The following KIF6 variants were observed in gnomAD, a reference collection of about 807,000 sequenced individuals.
KIF6 encodes the protein kinesin-like protein KIF6.
A neutral mutation model predicts 112.7 loss-of-function variants in KIF6; 106 were observed. The ratio of observed to expected loss-of-function variants is 0.94; its 90% CI spans 0.80 to 1.11. The LOEUF is 1.11. KIF6 is among the 50% of genes least tolerant of loss of function. The pLI is 0.00. For synonymous variants in KIF6, 339 were observed against 339.9 expected (o/e 1.00, Z 0.03); for missense variants, 929 against 964.0 (o/e 0.96, Z 0.48).
chr6:39,413,539 A>T (rs1403009323), intron 15 of KIF6, among the ~76,000 whole-genome samples: 1 of 152,124 alleles, frequency 6.6e-6, no homozygotes, highest in African/African-American at 2.4e-5. Context: ...TACCTGACTT[A>T]AGCCAGGTCG....
At chr6:39,708,514 G>A (rs536868068) in intron 3 of KIF6, among the ~76,000 whole-genome samples, 47 of 152,238 alleles carry the variant, frequency 3.1e-4, no homozygotes, top group Admixed American at 8.5e-4. Flanking sequence ...CAGCTACTGG[G>A]ACTGTGTCAT....
chr6:39,345,851 G>C (rs1763671510), intron 20 of KIF6, 62 bp from the exon 21 acceptor site: 2 of 1,237,918 alleles, frequency 1.6e-6, no homozygotes, highest in Non-Finnish European at 2.3e-6. Context: ...AGGAAATTCA[G>C]GGTTTATATC....
chr6:39,547,105 T>A (rs1197306744), intron 10 of KIF6, among the ~76,000 whole-genome samples: 1 of 152,204 alleles, frequency 6.6e-6, no homozygotes, highest in East Asian at 1.9e-4. Context: ...CAGCAGCATA[T>A]CTTTCTAGTA....
chr6:39,681,164 G>A (rs1270066294), intron 3 of KIF6, among the ~76,000 whole-genome samples: 1 of 151,906 alleles, frequency 6.6e-6, no homozygotes, highest in African/African-American at 2.4e-5. Context: ...ATAACATTAA[G>A]GCAAAATTTT....
chr6:39,529,079 A>G (rs1777900639), intron 13 of KIF6, among the ~76,000 whole-genome samples: 1 of 152,346 alleles, frequency 6.6e-6, no homozygotes, highest in African/African-American at 2.4e-5. Context: ...AGACTCTTCA[A>G]TAAGTGGTGT....
rs773665187 is a variant in KIF6 at position 39,378,974 on chromosome 6, C to T, written c.1861+6648G>A. Among the ~76,000 whole-genome samples, 2 of 152,054 alleles carry T rather than the reference C, an allele frequency of 1.3e-5. No homozygotes were observed. The highest frequency in any genetic ancestry group is 2.9e-5 in the Non-Finnish European group (2 of 68,024). On this transcript the variant is annotated intron_variant, in intron 16 of 22. Coordinates refer to ENST00000287152, the MANE Select transcript of KIF6 (RefSeq NM_145027.6). The surrounding 1 kb of genome is among the most constrained non-coding windows in gnomAD (Gnocchi z 5.0). Reference sequence around the variant, plus strand: ...CAGGCCTCTAGCTTTTATAGAGGGTCGATACAAGAATCATCTGGTTGAATA... The same window carrying T: ...CAGGCCTCTAGCTTTTATAGAGGGTTGATACAAGAATCATCTGGTTGAATA...
At chr6:39,500,663 G>A (rs62402250) in intron 13 of KIF6, among the ~76,000 whole-genome samples, 151,170 of 152,272 alleles carry the variant, frequency 0.99, 75,046 homozygotes, top group Middle Eastern at 1. Context: ...TTCTATGAAG[G>A]TTAAACGGTA....
At chr6:39,337,215 C>CTTTCTTTCTTTCTTTCTT (rs1763057923) in intron 22 of KIF6, among the ~76,000 whole-genome samples, 1 of 94,950 alleles carries the variant, frequency 1.1e-5, no homozygotes, top group Non-Finnish European at 1.8e-5. Flanking sequence ...TTCTTTCTTT[C>CTTTCTTTCTTTCTTTCTT]TTTCTTTCTT....
At position 39,545,696 on chromosome 6, in the gene KIF6, T is replaced by C. The variant is rs1203796636; in HGVS notation, c.1182-8A>G. On this transcript the variant is annotated splice_region_variant and splice_polypyrimidine_tract_variant and intron_variant, in intron 10 of 22. Transcript: ENST00000287152. ...GTTATTAGTTTTTCCAGCCTAAAAA[T>C]ACATAATGTATGAGAAGCAACTGTG... The C allele has an allele frequency of 3.2e-6, 5 of 1,564,320 alleles. No individual in the cohort carries two copies. The highest frequency in any genetic ancestry group is 4.4e-6 in the Non-Finnish European group (5 of 1,135,340).
chr6:39,662,842 G>A (rs752222343), intron 3 of KIF6, among the ~76,000 whole-genome samples: 3 of 151,978 alleles, frequency 2.0e-5, no homozygotes, highest in African/African-American at 4.8e-5. Context: ...TCAAAAATAC[G>A]CGTCCACATG....
intron 14 of KIF6, among the ~76,000 whole-genome samples, chr6:39,426,168 T>G (rs1257259699): frequency 6.6e-6 from 1 of 151,720 alleles, no homozygotes; most frequent in African/African-American, 2.4e-5. Flanking sequence ...AAGCATGGGG[T>G]TTCCAGCCTC....
intron 3 of KIF6, among the ~76,000 whole-genome samples, chr6:39,664,382 T>C (rs1050773905): frequency 6.6e-6 from 1 of 152,134 alleles, no homozygotes; most frequent in Non-Finnish European, 1.5e-5. Context: ...TAAACTCATT[T>C]TTCACCCCTA....
intron 21 of KIF6, among the ~76,000 whole-genome samples, chr6:39,345,416 G>A (rs1763622831): frequency 6.6e-6 from 1 of 152,176 alleles, no homozygotes; most frequent in South Asian, 2.1e-4. Flanking sequence ...CCCTGGGCTG[G>A]CTCTTTCCCT....
chr6:39,623,487 T>C (rs1180243338), intron 5 of KIF6, among the ~76,000 whole-genome samples: 2 of 152,214 alleles, frequency 1.3e-5, no homozygotes, highest in African/African-American at 2.4e-5. Context: ...TTCATAAAGT[T>C]CTCGAACATT....
intron 14 of KIF6, among the ~76,000 whole-genome samples, chr6:39,427,523 C>A (rs1459900209): frequency 6.6e-6 from 1 of 152,092 alleles, no homozygotes; most frequent in Non-Finnish European, 1.5e-5. Flanking sequence ...GGTTACATCC[C>A]CTATACCAAA....
At chr6:39,611,617 G>A (rs1050220909) in intron 6 of KIF6, among the ~76,000 whole-genome samples, 1 of 152,196 alleles carries the variant, frequency 6.6e-6, no homozygotes, top group African/African-American at 2.4e-5. Flanking sequence ...TAGCACTGAG[G>A]CGGCAACAGG....
chr6:39,543,972 T>C (rs1425449861), intron 12 of KIF6, among the ~76,000 whole-genome samples: 1 of 152,254 alleles, frequency 6.6e-6, no homozygotes, highest in East Asian at 1.9e-4. Flanking sequence ...CACTCATCTA[T>C]ACTCACTTCC....
chr6:39,685,722 G>T (rs1787827695), intron 3 of KIF6, among the ~76,000 whole-genome samples: 1 of 152,224 alleles, frequency 6.6e-6, no homozygotes, highest in Non-Finnish European at 1.5e-5. Context: ...GACAGAAAAA[G>T]AAATGGAAGG....
intron 3 of KIF6, among the ~76,000 whole-genome samples, chr6:39,701,639 C>T (rs564662953): frequency 1.3e-5 from 2 of 152,342 alleles, no homozygotes; most frequent in Non-Finnish European, 2.9e-5. Flanking sequence ...AACAAATGGA[C>T]TGCACGAGGC....
Sources: gnomAD v4.1 joint callset for allele counts (sites outside exome capture counted in the v4.1 genomes callset) on GRCh38, gnomAD v4.1.1 for gene constraint, Gnocchi (gnomAD v3.1) non-coding constraint, MANE v1.5 for transcripts, NCBI Gene and HGNC (gene_info 2026-07-23, HGNC 2026-07-21) for gene names.